Variants in STRBP observed in about 807,000 individuals in gnomAD.
STRBP encodes the protein spermatid perinuclear RNA binding protein.
In STRBP, 13 loss-of-function variants were observed where a neutral mutation model predicts 80.1. The observed-to-expected ratio is 0.16, with a 90% CI of 0.11 to 0.26. The LOEUF is 0.26. STRBP is among the 10% of genes least tolerant of loss of function. The pLI is 1.00. For synonymous variants in STRBP, 284 were observed against 291.2 expected (o/e 0.98, Z 0.25); for missense variants, 485 against 815.2 (o/e 0.59, Z 4.93).
intron 2 of STRBP, among the ~76,000 whole-genome samples, chr9:123,232,753 A>G (rs1158694369): frequency 6.6e-6 from 1 of 152,206 alleles, no homozygotes; most frequent in Non-Finnish European, 1.5e-5. Flanking sequence ...CAGAGTTAGG[A>G]AAAAACAGTC....
intron 1 of STRBP, among the ~76,000 whole-genome samples, chr9:123,264,577 T>C (rs767344305): frequency 6.6e-6 from 1 of 152,260 alleles, no homozygotes; most frequent in Non-Finnish European, 1.5e-5. Context: ...ACTTGTTTTA[T>C]ATAAACCACC....
intron 3 of STRBP, among the ~76,000 whole-genome samples, chr9:123,180,113 G>A (rs1377454781): frequency 3.3e-5 from 5 of 152,042 alleles, no homozygotes; most frequent in South Asian, 4.2e-4. Context: ...AAAATTAGCC[G>A]GACGTGGTAG....
At chr9:123,119,078 G>T (rs1053264269), downstream of STRBP, among the ~76,000 whole-genome samples, 1 of 152,210 alleles carries the variant, frequency 6.6e-6, no homozygotes, top group Non-Finnish European at 1.5e-5. Context: ...GTTGAGTGCA[G>T]ATTTTTCCCC....
chr9:123,132,042 A>G (rs907273839), intron 17 of STRBP, among the ~76,000 whole-genome samples: 3 of 152,256 alleles, frequency 2.0e-5, no homozygotes, highest in Non-Finnish European at 4.4e-5. Flanking sequence ...TTTTAACAAG[A>G]CAGCTGGATA....
intron 2 of STRBP, among the ~76,000 whole-genome samples, chr9:123,186,869 G>A (rs2038720537): frequency 6.7e-6 from 1 of 148,454 alleles, no homozygotes; most frequent in South Asian, 2.1e-4. Context: ...TAAAATTCTG[G>A]TCTTAAAATT....
chr9:123,210,073 T>TTA (rs1189486375), intron 2 of STRBP, among the ~76,000 whole-genome samples: 1 of 152,188 alleles, frequency 6.6e-6, no homozygotes. Flanking sequence ...CAATTTGTAG[T>TTA]TATATATATT....
Position 123,253,471 on chromosome 9 carries a change from T to C in STRBP, c.-302+14965A>G, listed in dbSNP as rs79554487. Among the ~76,000 whole-genome samples, 3 of 152,342 alleles carry C rather than the reference T, an allele frequency of 2.0e-5. No homozygotes were observed. The East Asian group carries it at 5.8e-4, about 29-fold the overall frequency. ...GATGATTCCTTCCATGTGTTTCTTT[T>C]TGCCTGCTCATTCCCAAATTTAGTG... On this transcript the variant is annotated intron_variant, in intron 1 of 18. Transcript: ENST00000348403.
intron 2 of STRBP, among the ~76,000 whole-genome samples, chr9:123,205,143 G>A (rs2039470609): frequency 6.6e-6 from 1 of 151,956 alleles, no homozygotes; most frequent in African/African-American, 2.4e-5. Flanking sequence ...GCGGGCACCT[G>A]TAATCCCAGC....
intron 14 of STRBP, among the ~76,000 whole-genome samples, chr9:123,137,691 C>T (rs931666858): frequency 3.3e-5 from 5 of 152,134 alleles, no homozygotes; most frequent in Non-Finnish European, 7.4e-5. Context: ...TACAGGTGTG[C>T]ACCACCATGC....
intron 2 of STRBP, among the ~76,000 whole-genome samples, chr9:123,235,207 G>A (rs1168458380): frequency 6.6e-6 from 1 of 151,752 alleles, no homozygotes; most frequent in Non-Finnish European, 1.5e-5. Flanking sequence ...GTCTGTGGTA[G>A]AAGGCCAAAA....
chr9:123,185,744 T>C (rs1045517906), intron 2 of STRBP, among the ~76,000 whole-genome samples: 1 of 152,184 alleles, frequency 6.6e-6, no homozygotes, highest in Non-Finnish European at 1.5e-5. Context: ...CAAAAACGAT[T>C]GCTATGTGTT....
At chr9:123,262,461 G>C (rs2041178742) in intron 1 of STRBP, among the ~76,000 whole-genome samples, 1 of 152,186 alleles carries the variant, frequency 6.6e-6, no homozygotes, top group Non-Finnish European at 1.5e-5. Flanking sequence ...GGTGCAGTAA[G>C]AAACATCTTA....
chr9:123,242,413 C>T (rs1436416189), intron 1 of STRBP, among the ~76,000 whole-genome samples: 2 of 152,178 alleles, frequency 1.3e-5, no homozygotes, highest in East Asian at 3.8e-4. Context: ...AATCCTAGCA[C>T]TTTCAGAGGC....
intron 2 of STRBP, among the ~76,000 whole-genome samples, chr9:123,222,323 C>CA (rs1446382506): frequency 6.6e-6 from 1 of 152,010 alleles, no homozygotes; most frequent in African/African-American, 2.4e-5. Context: ...CTTTTTGACA[C>CA]AAGATGTTCC....
At chr9:123,133,512 A>C (rs2036226936) in intron 16 of STRBP, among the ~76,000 whole-genome samples, 1 of 151,828 alleles carries the variant, frequency 6.6e-6, no homozygotes. Flanking sequence ...CTGTTTGTGT[A>C]TGTATGTATC....
At position 123,136,358 on chromosome 9, in the gene STRBP, C is replaced by G; in HGVS notation, c.1632+23G>C. Reference sequence around the variant, plus strand: ...TATGTCTTTGAGAAGAAAGATAAGGCTGGCTTGTGTCTGGGTACACACCTC... The same window carrying G: ...TATGTCTTTGAGAAGAAAGATAAGGGTGGCTTGTGTCTGGGTACACACCTC... On this transcript the variant is annotated intron_variant, in intron 15 of 18. Coordinates refer to ENST00000348403, the MANE Select transcript of STRBP (RefSeq NM_018387.5). The surrounding 1 kb of genome is among the most constrained non-coding windows in gnomAD (Gnocchi z 4.2). 6.2e-7 allele frequency: 1 copy of G among 1,612,700 alleles called. No homozygotes were observed. Among genetic ancestry groups the G allele is most frequent in the Non-Finnish European group, 8.5e-7 (1 of 1,179,362 alleles).
At chr9:123,180,398 A>G (rs2038407732) in intron 3 of STRBP, among the ~76,000 whole-genome samples, 1 of 152,200 alleles carries the variant, frequency 6.6e-6, no homozygotes. Flanking sequence ...AAGGCCTTTA[A>G]TTTTTTAAAT....
chr9:123,225,806 C>T (rs960384839), intron 2 of STRBP, among the ~76,000 whole-genome samples: 1 of 152,190 alleles, frequency 6.6e-6, no homozygotes, highest in Non-Finnish European at 1.5e-5. Flanking sequence ...CTTTCCCAGA[C>T]TCAATTTCTG....
At chr9:123,209,498 T>C (rs1307457905) in intron 2 of STRBP, among the ~76,000 whole-genome samples, 1 of 152,244 alleles carries the variant, frequency 6.6e-6, no homozygotes, top group Non-Finnish European at 1.5e-5. Context: ...CTACACAATA[T>C]GTTATTTTTG....
Sources: gnomAD v4.1 joint callset for allele counts (sites outside exome capture counted in the v4.1 genomes callset) on GRCh38, gnomAD v4.1.1 for gene constraint, Gnocchi (gnomAD v3.1) non-coding constraint, MANE v1.5 for transcripts, NCBI Gene and HGNC (gene_info 2026-07-23, HGNC 2026-07-21) for gene names.